Variants in MCC observed in about 807,000 individuals in gnomAD.
MCC encodes the protein colorectal mutant cancer protein.
In MCC, 90 loss-of-function variants were observed where a neutral mutation model predicts 116.2. The ratio of observed to expected loss-of-function variants is 0.77; its 90% confidence interval spans 0.65 to 0.92. The LOEUF (loss-of-function observed/expected upper bound fraction) is 0.92, where lower values mean the gene tolerates loss of function less well. MCC is among the 40% of genes least tolerant of loss of function. The pLI is 0.00. For synonymous variants in MCC, 578 were observed against 510.5 expected, an observed-to-expected ratio of 1.13 and a Z score of -1.78; for missense variants, 1,516 against 1,312.2, an observed-to-expected ratio of 1.16 and a Z score of -2.40.
At chr5:113,030,673 C>T (rs1349416368) in intron 17 of MCC, among the ~76,000 whole-genome samples, 1 of 152,098 alleles carries the variant, frequency 6.6e-6, no homozygotes, top group Non-Finnish European at 1.5e-5. Flanking sequence ...GTGAGACCAT[C>T]TCAAAACAAA....
In MCC at chr5:113,385,112, G is replaced by A; in HGVS notation, c.271C>T (p.Gln91Ter). 1.9e-6 allele frequency: 3 copies of A among 1,614,144 alleles called. No individual in the cohort carries two copies. The highest frequency in any genetic ancestry group is 2.5e-6 in the Non-Finnish European group (3 of 1,180,028). The change falls in exon 2 of 19, where the codon CAG becomes TAG. Residue 91 changes from glutamine to a stop codon, truncating the protein, a stop_gained. Transcript: ENST00000408903. LOFTEE classifies it high-confidence loss of function. ...TGCATGCGGCATCTTGTGAAATCCT[G>A]AAAGGAAATCTTCCCATTTTCATCT... ...GADENGKISF[Q>*]DFTRCRMQLV...
intron 5 of MCC, among the ~76,000 whole-genome samples, chr5:113,125,273 C>A (rs1329297724): frequency 6.6e-6 from 1 of 152,042 alleles, no homozygotes; most frequent in African/African-American, 2.4e-5. Flanking sequence ...TGTGTGGAAA[C>A]AGATAAAATG....
intron 3 of MCC, among the ~76,000 whole-genome samples, chr5:113,242,866 C>T (rs190794911): frequency 6.6e-6 from 1 of 152,246 alleles, no homozygotes; most frequent in East Asian, 1.9e-4. Flanking sequence ...CCAAAAGTAA[C>T]AGGAGTCAGT....
In MCC at chr5:113,488,443, T is replaced by A; in HGVS notation, c.-29A>T. Reference sequence around the variant, plus strand: ...CCCGCTCCCTACTTGGGAGGAGGAGTACGCGCGACCGCAGCTGGAATCCGC... The same window carrying A: ...CCCGCTCCCTACTTGGGAGGAGGAGAACGCGCGACCGCAGCTGGAATCCGC... On this transcript the variant is annotated 5_prime_UTR_variant, in exon 1 of 19. Coordinates refer to ENST00000408903, the MANE Select transcript of MCC (RefSeq NM_001085377.2). 5 of 1,389,122 alleles carry A rather than the reference T, an allele frequency of 3.6e-6. No homozygotes were observed. Among genetic ancestry groups the A allele is most frequent in the Non-Finnish European group, 3.7e-6 (4 of 1,085,496 alleles). The allele number at this position is 1,389,122 out of a possible 1,614,324, so 86.0% of individuals were successfully genotyped here.
chr5:113,147,609 G>A (rs1759600562), intron 4 of MCC, among the ~76,000 whole-genome samples: 1 of 152,148 alleles, frequency 6.6e-6, no homozygotes, highest in Non-Finnish European at 1.5e-5. Flanking sequence ...ACCCTCTCAA[G>A]GTCACACAGG....
chr5:113,264,182 G>A (rs1765325581), intron 3 of MCC, among the ~76,000 whole-genome samples: 3 of 152,216 alleles, frequency 2.0e-5, no homozygotes, highest in Non-Finnish European at 4.4e-5. Flanking sequence ...CTGCTGCAAT[G>A]CTTTTTTAAT....
intron 14 of MCC, among the ~76,000 whole-genome samples, chr5:113,062,783 T>C (rs1265915809): frequency 6.6e-6 from 1 of 152,248 alleles, no homozygotes; most frequent in African/African-American, 2.4e-5. Context: ...TTACTGGGCA[T>C]GTTCCCTCTC....
intron 3 of MCC, among the ~76,000 whole-genome samples, chr5:113,283,818 G>C (rs1238368657): frequency 6.6e-6 from 1 of 152,164 alleles, no homozygotes; most frequent in African/African-American, 2.4e-5. Context: ...ACACTGGTTT[G>C]AACTGCTAAT....
intron 3 of MCC, among the ~76,000 whole-genome samples, chr5:113,282,854 C>A (rs911709495): frequency 6.6e-6 from 1 of 152,198 alleles, no homozygotes; most frequent in Non-Finnish European, 1.5e-5. Flanking sequence ...TCTAACAGAC[C>A]AGCCTGTGAC....
intron 3 of MCC, among the ~76,000 whole-genome samples, chr5:113,183,849 G>A (rs1050138022): frequency 2.6e-5 from 4 of 152,104 alleles, no homozygotes; most frequent in African/African-American, 7.2e-5. Flanking sequence ...AAGGAATAGA[G>A]GGCTGACACC....
At chr5:113,463,961 C>T (rs1039258139) in intron 1 of MCC, among the ~76,000 whole-genome samples, 1 of 152,122 alleles carries the variant, frequency 6.6e-6, no homozygotes, top group Non-Finnish European at 1.5e-5. Flanking sequence ...GGGAGAACAG[C>T]AAGAAGACTG....
intron 3 of MCC, among the ~76,000 whole-genome samples, chr5:113,313,652 C>CT (rs1767193688): frequency 6.6e-6 from 1 of 152,200 alleles, no homozygotes; most frequent in Non-Finnish European, 1.5e-5. Context: ...TTCCTATTTA[C>CT]TAGGGATGTT....
chr5:113,213,599 C>T (rs528217567), intron 3 of MCC, among the ~76,000 whole-genome samples: 4 of 152,198 alleles, frequency 2.6e-5, no homozygotes, highest in African/African-American at 7.2e-5. Flanking sequence ...CACTGACAAG[C>T]GGCTTTGACA....
At chr5:113,357,255 A>C (rs1388577913) in intron 2 of MCC, among the ~76,000 whole-genome samples, 2 of 152,248 alleles carry the variant, frequency 1.3e-5, no homozygotes, top group African/African-American at 4.8e-5. Context: ...ATCACACTTC[A>C]TAATTACTTA....
chr5:113,487,552 A>AGTGGAGGC (rs1341207139), intron 1 of MCC, among the ~76,000 whole-genome samples: 4 of 152,270 alleles, frequency 2.6e-5, no homozygotes, highest in African/African-American at 9.6e-5. Context: ...TTTGTTTGTG[A>AGTGGAGGC]GTGGAGGCGC....
intron 3 of MCC, among the ~76,000 whole-genome samples, chr5:113,168,435 T>C (rs1218395443): frequency 6.6e-6 from 1 of 152,214 alleles, no homozygotes; most frequent in East Asian, 1.9e-4. Context: ...ATTACATTTA[T>C]GGAGAAAGAT....
At chr5:113,387,984 A>G (rs1220362506) in intron 1 of MCC, among the ~76,000 whole-genome samples, 1 of 152,184 alleles carries the variant, frequency 6.6e-6, no homozygotes, top group African/African-American at 2.4e-5. Flanking sequence ...AAGTGGTACA[A>G]TCTGTCCACA....
chr5:113,290,153 G>A lies in MCC; in HGVS notation c.627+50366C>T, dbSNP rs190224521. On this transcript the variant is annotated intron_variant, in intron 3 of 18. Transcript: ENST00000408903. ...TTCTTAATTAGAGCATCAACGAAGAGGTGGCATTTCAGGAGTTACTCAACA... is the reference window on the plus strand; with the variant it reads ...TTCTTAATTAGAGCATCAACGAAGAAGTGGCATTTCAGGAGTTACTCAACA... Among the ~76,000 whole-genome samples the A allele has an allele frequency of 3.9e-5, 6 of 152,330 alleles. No individual in the cohort carries two copies. In the East Asian group the frequency reaches 1.2e-3, roughly 29 times the overall value.
At chr5:113,291,417 C>T (rs1183883209) in intron 3 of MCC, among the ~76,000 whole-genome samples, 1 of 152,166 alleles carries the variant, frequency 6.6e-6, no homozygotes, top group Non-Finnish European at 1.5e-5. Context: ...GAGTCAGTGT[C>T]AACATTACTG....
Sources: gnomAD v4.1 joint callset for allele counts (sites outside exome capture counted in the v4.1 genomes callset) on GRCh38, gnomAD v4.1.1 for gene constraint, MANE v1.5 for transcripts, NCBI Gene and HGNC (gene_info 2026-07-23, HGNC 2026-07-21) for gene names.